Variants in TJP2 observed in about 807,000 individuals in gnomAD.
TJP2 encodes the protein Friedreich ataxia region gene X104 (tight junction protein ZO-2).
TJP2 carries 91 observed loss-of-function variants against 133.1 expected under a neutral mutation model. The observed-to-expected ratio is 0.68, with a 90% confidence interval of 0.58 to 0.81. The LOEUF (loss-of-function observed/expected upper bound fraction) is 0.81, where lower values mean the gene tolerates loss of function less well. Among genes scored for constraint, TJP2 ranks in the 40% least tolerant of loss-of-function variants. The probability of loss-of-function intolerance (pLI) is 0.00; values close to 1 mark genes in which losing one functional copy is unlikely to be tolerated. For synonymous variants in TJP2, 592 were observed against 583.4 expected (o/e 1.01, Z -0.21); for missense variants, 1,541 against 1,565.6 (o/e 0.98, Z 0.26).
At chr9:69,206,048 A>G (rs973432323) in intron 1 of TJP2, among the ~76,000 whole-genome samples, 7 of 152,224 alleles carry the variant, frequency 4.6e-5, no homozygotes, top group African/African-American at 1.4e-4. Flanking sequence ...TTTGTCACAC[A>G]AAAACCTTAC....
upstream of TJP2, among the ~76,000 whole-genome samples, chr9:69,171,043 A>T (rs537235152): frequency 7.0e-3 from 1,073 of 152,328 alleles, 20 homozygotes; most frequent in African/African-American, 0.025. Flanking sequence ...CACCTGGATG[A>T]CCCATAGCAC....
intron 1 of TJP2, chr9:69,151,530 TACTA>T (rs1343530924): frequency 1.0e-6 from 1 of 972,676 alleles, no homozygotes; most frequent in African/African-American, 1.7e-5. Flanking sequence ...TCTGTGAAGG[TACTA>T]AAAGCCATCC....
At chr9:69,193,034 A>G (rs966131090) in intron 1 of TJP2, among the ~76,000 whole-genome samples, 4 of 150,104 alleles carry the variant, frequency 2.7e-5, no homozygotes, top group Admixed American at 6.7e-5. Flanking sequence ...TCTCACCTCA[A>G]TCTCCTGAGT....
intron 2 of TJP2, among the ~76,000 whole-genome samples, chr9:69,163,026 TTTTA>T (rs1228172149): frequency 8.2e-5 from 1 of 12,242 alleles, no homozygotes; most frequent in Non-Finnish European, 2.0e-4. Flanking sequence ...CTTTATTTTA[TTTTA>T]TTTTTTTTTT....
At chr9:69,240,212 G>A in intron 17 of TJP2, 65 bp downstream of exon 17, 1 of 1,374,506 alleles carries the variant, frequency 7.3e-7, no homozygotes, top group Non-Finnish European at 1.0e-6. Flanking sequence ...AAGAGTAGAA[G>A]AAATAATTAA....
intron 2 of TJP2, among the ~76,000 whole-genome samples, chr9:69,153,605 A>G (rs1473670215): frequency 6.6e-6 from 1 of 152,184 alleles, no homozygotes; most frequent in East Asian, 1.9e-4. Flanking sequence ...TTGTTCTCCT[A>G]AAATCTTTAG....
intron 17 of TJP2, among the ~76,000 whole-genome samples, chr9:69,240,376 A>T (rs937018072): frequency 3.3e-5 from 5 of 152,186 alleles, no homozygotes; most frequent in African/African-American, 1.2e-4. Context: ...TGTGGTAATA[A>T]TTAGCTATTT....
intron 1 of TJP2, among the ~76,000 whole-genome samples, chr9:69,129,791 A>AAT (rs1822408303): frequency 2.6e-5 from 4 of 151,664 alleles, no homozygotes; most frequent in Non-Finnish European, 5.9e-5. Flanking sequence ...CTGAGGCAGG[A>AAT]GGATCACCTG....
At chr9:69,139,780 C>T (rs1045248379) in intron 1 of TJP2, among the ~76,000 whole-genome samples, 1 of 152,206 alleles carries the variant, frequency 6.6e-6, no homozygotes, top group Non-Finnish European at 1.5e-5. Flanking sequence ...ATAGCCAGGT[C>T]CTTGTCTCGA....
chr9:69,252,311 G>A (rs146504295), intron 21 of TJP2, among the ~76,000 whole-genome samples: 23 of 152,172 alleles, frequency 1.5e-4, no homozygotes, highest in Non-Finnish European at 2.9e-4. Flanking sequence ...ATTTTAAAAC[G>A]TTCGGTTCAG....
rs750134026 is a variant in TJP2, at chr9:69,236,200, G to T, written c.1953G>T (p.Gly651=). Residue 651 remains glycine, a synonymous_variant, in exon 13 of 23, where the codon GGG becomes GGT. Coordinates refer to ENST00000377245, the MANE Select transcript of TJP2 (RefSeq NM_004817.4). ...KLGNWLAVRI[G]NELEKGLIPN... is the part of the protein sequence containing the mutation. Reference sequence around the variant, plus strand: ...GCAACTGGCTGGCTGTGAGGATTGGGAACGAGTTGGAGAAAGGCTTAATCC... The same window carrying T: ...GCAACTGGCTGGCTGTGAGGATTGGTAACGAGTTGGAGAAAGGCTTAATCC... 9.9e-5 allele frequency: 159 copies of T among 1,613,922 alleles called. No individual in the cohort carries two copies. The highest frequency in any genetic ancestry group is 2.0e-4 in the African/African-American group (15 of 74,906).
intron 17 of TJP2, among the ~76,000 whole-genome samples, chr9:69,245,799 G>A (rs1334147685): frequency 3.3e-5 from 5 of 152,214 alleles, no homozygotes; most frequent in African/African-American, 1.2e-4. Flanking sequence ...TGCATAGTAA[G>A]TGCTATTATG....
At position 69,221,425 on chromosome 9, in the gene TJP2, GC is replaced by G. The variant is rs587777519; in HGVS notation, c.885del (p.Ser296AlafsTer15). 3 of 1,587,560 alleles carry G rather than the reference GC, an allele frequency of 1.9e-6. No individual in the cohort carries two copies. The highest frequency in any genetic ancestry group is 2.3e-5 in the South Asian group (2 of 87,806). On this transcript the variant is annotated frameshift_variant, in exon 5 of 23. Transcript: ENST00000377245. LOFTEE classifies it high-confidence loss of function. ...AGCCGCGAGCACCCGCACTCACGGA[GC>G]CCCAGCCCCGAGCCTAGGGGGCGGC... ...SRSREHPHSRSPSPEPRGRPG... is the reference protein window; with the variant it reads ...SRSREHPHSRXPSPEPRGRPG...
chr9:69,209,542 T>C (rs1343672053), intron 1 of TJP2, among the ~76,000 whole-genome samples: 1 of 151,812 alleles, frequency 6.6e-6, no homozygotes, highest in South Asian at 2.1e-4. Context: ...TCATCTAAGG[T>C]TGGGAGTTTG....
At chr9:69,211,821 C>T (rs530897434) in intron 1 of TJP2, among the ~76,000 whole-genome samples, 28 of 152,204 alleles carry the variant, frequency 1.8e-4, no homozygotes, top group Non-Finnish European at 3.7e-4. Flanking sequence ...GACCTGATCT[C>T]CCACCCTGTT....
chr9:69,230,490 G>A (rs1199322881), intron 11 of TJP2, among the ~76,000 whole-genome samples: 1 of 152,198 alleles, frequency 6.6e-6, no homozygotes, highest in Non-Finnish European at 1.5e-5. Flanking sequence ...TCTGATTAAT[G>A]TGAAAATATT....
chr9:69,227,673 G>A (rs576260251), intron 7 of TJP2, 92 bp from the exon 8 acceptor site: 52 of 864,674 alleles, frequency 6.0e-5, no homozygotes, highest in South Asian at 4.6e-4. Context: ...TCCATTTCCC[G>A]TGTTTCCTAC....
chr9:69,244,877 AG>A (rs1830818785), intron 17 of TJP2, among the ~76,000 whole-genome samples: 1 of 152,254 alleles, frequency 6.6e-6, no homozygotes, highest in Non-Finnish European at 1.5e-5. Flanking sequence ...TCAAGGGGCA[AG>A]AACATATTTC....
chr9:69,241,052 G>A (rs1830549973), intron 17 of TJP2, among the ~76,000 whole-genome samples: 1 of 152,182 alleles, frequency 6.6e-6, no homozygotes, highest in South Asian at 2.1e-4. Context: ...AGACTTGGTA[G>A]TTGTTAGTTG....
Sources: gnomAD v4.1 joint callset for allele counts (sites outside exome capture counted in the v4.1 genomes callset) on GRCh38, gnomAD v4.1.1 for gene constraint, MANE v1.5 for transcripts, NCBI Gene and HGNC (gene_info 2026-07-23, HGNC 2026-07-21) for gene names.